The following WDFY3 variants were observed in gnomAD, a reference collection of about 807,000 sequenced individuals.
The protein encoded by WDFY3 is WD repeat and FYVE domain containing 3, also known as WD repeat and FYVE domain-containing protein 3.
WDFY3 carries 66 observed loss-of-function variants against 409.6 expected under a neutral mutation model. The ratio of observed to expected loss-of-function variants is 0.16; its 90% CI spans 0.13 to 0.20. WDFY3 has a LOEUF of 0.20. WDFY3 is among the 10% of genes least tolerant of loss of function. The probability of loss-of-function intolerance (pLI) is 1.00; values close to 1 mark genes in which losing one functional copy is unlikely to be tolerated. For synonymous variants in WDFY3, 1,521 were observed against 1,537.1 expected, an observed-to-expected ratio of 0.99 and a Z score of 0.25; for missense variants, 3,031 against 4,298.1, an observed-to-expected ratio of 0.71 and a Z score of 8.24.
chr4:84,692,012 A>G (rs1033081007), intron 59 of WDFY3, among the ~76,000 whole-genome samples: 1 of 152,070 alleles, frequency 6.6e-6, no homozygotes, highest in African/African-American at 2.4e-5. Context: ...CAGCTTTCCT[A>G]TTTCTGGGCA....
At chr4:84,943,582 C>T (rs1772418643) in intron 1 of WDFY3, among the ~76,000 whole-genome samples, 1 of 152,070 alleles carries the variant, frequency 6.6e-6, no homozygotes, top group African/African-American at 2.4e-5. Context: ...TTATCAGTAA[C>T]ACTATCAGTA....
intron 3 of WDFY3, among the ~76,000 whole-genome samples, chr4:84,860,906 C>A (rs1228893749): frequency 6.6e-6 from 1 of 152,048 alleles, no homozygotes; most frequent in East Asian, 1.9e-4. Flanking sequence ...TTAGTTTAGT[C>A]ATATCAAGTT....
intron 2 of WDFY3, among the ~76,000 whole-genome samples, chr4:84,910,562 A>T (rs1317257562): frequency 6.6e-6 from 1 of 152,124 alleles, no homozygotes; most frequent in Non-Finnish European, 1.5e-5. Flanking sequence ...TATTCAATGG[A>T]GGAGAAGGCA....
chr4:84,917,834 C>G (rs994320366), intron 2 of WDFY3, among the ~76,000 whole-genome samples: 1 of 151,850 alleles, frequency 6.6e-6, no homozygotes, highest in Admixed American at 6.6e-5. Context: ...AAATAATATT[C>G]CCAACATTCA....
chr4:84,679,108 C>T lies in WDFY3; in HGVS notation c.9958G>A (p.Ala3320Thr). The change falls in exon 65 of 68, where the codon GCC (alanine) becomes ACC (threonine). Residue 3320 changes from alanine to threonine, a missense_variant. By Grantham distance (58) the Ala-to-Thr change is moderately conservative. This residue lies in a region of WDFY3 where 378 missense variants were observed against 477.3 expected (regional missense o/e 0.79). Coordinates refer to ENST00000295888, the MANE Select transcript of WDFY3 (RefSeq NM_014991.6). Reference protein sequence around the residue: ...RPRAASCRATAAWCTDSGSDD... With the variant: ...RPRAASCRATTAWCTDSGSDD... Reference sequence around the variant, plus strand: ...GAGCCACTGTCAGTACACCAGGCGGCTGTTGCGCGGCAGGAGGCTGCCCGG... The same window carrying T: ...GAGCCACTGTCAGTACACCAGGCGGTTGTTGCGCGGCAGGAGGCTGCCCGG... The T allele has an allele frequency of 1.9e-6, 3 of 1,614,202 alleles. No homozygotes were observed. Among genetic ancestry groups the T allele is most frequent in the Non-Finnish European group, 8.5e-7 (1 of 1,180,046 alleles).
chr4:84,747,863 C>A (rs1739765053), intron 36 of WDFY3, among the ~76,000 whole-genome samples: 1 of 151,848 alleles, frequency 6.6e-6, no homozygotes, highest in South Asian at 2.1e-4. Context: ...GTCAATTAAA[C>A]CTCTTTCCTT....
At chr4:84,942,698 T>C (rs1772296649) in intron 1 of WDFY3, among the ~76,000 whole-genome samples, 1 of 152,262 alleles carries the variant, frequency 6.6e-6, no homozygotes, top group Non-Finnish European at 1.5e-5. Flanking sequence ...CATGCATTTG[T>C]CATTCACATA....
chr4:84,899,850 C>A (rs1246428635), intron 2 of WDFY3, among the ~76,000 whole-genome samples: 1 of 151,968 alleles, frequency 6.6e-6, no homozygotes, highest in Non-Finnish European at 1.5e-5. Context: ...GCCTGGGCAA[C>A]ACAGTGAGAT....
chr4:84,809,712 A>AC (rs1197900577), intron 14 of WDFY3, 175 bp downstream of exon 14: 1 of 574,746 alleles, frequency 1.7e-6, no homozygotes, highest in Non-Finnish European at 2.8e-6. Flanking sequence ...TAAAAAAAAA[A>AC]AAAAACAATA....
intron 32 of WDFY3, among the ~76,000 whole-genome samples, chr4:84,764,015 C>T (rs968281563): frequency 1.3e-5 from 2 of 152,112 alleles, no homozygotes; most frequent in Non-Finnish European, 2.9e-5. Context: ...TTAATCCTTA[C>T]TTTATATTCA....
chr4:84,911,412 A>T (rs923281049), intron 2 of WDFY3, among the ~76,000 whole-genome samples: 1 of 152,140 alleles, frequency 6.6e-6, no homozygotes, highest in Non-Finnish European at 1.5e-5. Context: ...CCTTGAGCCC[A>T]GGAATTGAGG....
chr4:84,878,523 G>C (rs1265730109), intron 3 of WDFY3, among the ~76,000 whole-genome samples: 1 of 152,192 alleles, frequency 6.6e-6, no homozygotes, highest in Non-Finnish European at 1.5e-5. Context: ...TAATTAGAAT[G>C]AGGAGTTTTA....
At chr4:84,945,903 CTCA>C (rs1361686441) in intron 1 of WDFY3, among the ~76,000 whole-genome samples, 2 of 151,960 alleles carry the variant, frequency 1.3e-5, no homozygotes, top group African/African-American at 4.8e-5. Flanking sequence ...GTTTTATTTC[CTCA>C]TAACAATAAA....
At chr4:84,882,570 A>C (rs954753135) in intron 3 of WDFY3, among the ~76,000 whole-genome samples, 3 of 152,158 alleles carry the variant, frequency 2.0e-5, no homozygotes, top group African/African-American at 7.2e-5. Flanking sequence ...TTTTAGGGAT[A>C]TATAAATGAA....
chr4:84,737,108 G>T, intron 41 of WDFY3, 76 bp downstream of exon 41: 2 of 1,480,208 alleles, frequency 1.4e-6, no homozygotes, highest in Non-Finnish European at 1.9e-6. Flanking sequence ...GAATGCTGTA[G>T]TCACATATTT....
rs1274076219 is a variant in WDFY3, at chr4:84,789,780, C to T, written c.3615G>A (p.Leu1205=). The change falls in exon 22 of 68, where the codon TTG becomes TTA. Residue 1205 remains leucine (L), a synonymous_variant. Transcript: ENST00000295888. Reference sequence around the variant, plus strand: ...TATAAAGGGCTGCAGTACTGTTTTTCAACATGCCTTTGCTCATTACCAGGA... The same window carrying T: ...TATAAAGGGCTGCAGTACTGTTTTTTAACATGCCTTTGCTCATTACCAGGA... ...HLVLVMSKGM[L]KNSTAALYID... 1 of 1,613,924 alleles carries T rather than the reference C, an allele frequency of 6.2e-7. No homozygotes were observed. Among genetic ancestry groups the T allele is most frequent in the East Asian group, 2.2e-5 (1 of 44,860 alleles).
chr4:84,726,594 A>G (rs1735695126), intron 45 of WDFY3, among the ~76,000 whole-genome samples: 1 of 152,134 alleles, frequency 6.6e-6, no homozygotes, highest in Non-Finnish European at 1.5e-5. Context: ...AGATGTTTTT[A>G]TAGTGAGAGC....
chr4:84,896,720 A>T (rs545128476), intron 3 of WDFY3, among the ~76,000 whole-genome samples, 191 bp downstream of exon 3: 25 of 152,318 alleles, frequency 1.6e-4, no homozygotes, highest in Admixed American at 3.9e-4. Flanking sequence ...TATTAGAAAC[A>T]GTTCTCAAGA....
At chr4:84,692,016 C>A (rs1192828814) in intron 59 of WDFY3, among the ~76,000 whole-genome samples, 1 of 152,180 alleles carries the variant, frequency 6.6e-6, no homozygotes, top group Non-Finnish European at 1.5e-5. Context: ...TTTCCTATTT[C>A]TGGGCACTCT....
Sources: gnomAD v4.1 joint callset for allele counts (sites outside exome capture counted in the v4.1 genomes callset) on GRCh38, gnomAD v4.1.1 for gene constraint, gnomAD v4.1.1 regional missense constraint, MANE v1.5 for transcripts, NCBI Gene and HGNC (gene_info 2026-07-23, HGNC 2026-07-21) for gene names.